PTPRK: variants seen among roughly 807,000 people sequenced by gnomAD.
The protein encoded by PTPRK is protein tyrosine phosphatase receptor type K.
A neutral mutation model predicts 178.0 loss-of-function variants in PTPRK; 75 were observed. The ratio of observed to expected loss-of-function variants is 0.42; its 90% confidence interval spans 0.35 to 0.51. PTPRK has a LOEUF of 0.51. Ranked by LOEUF, PTPRK falls within the 20% of genes least tolerant of loss-of-function variation. The pLI is 0.02. For synonymous variants in PTPRK, 637 were observed against 620.6 expected, an observed-to-expected ratio of 1.03 and a Z score of -0.39; for missense variants, 1,441 against 1,797.8, an observed-to-expected ratio of 0.80 and a Z score of 3.59.
chr6:128,380,390 T>G (rs973842923), intron 2 of PTPRK, among the ~76,000 whole-genome samples: 1 of 152,024 alleles, frequency 6.6e-6, no homozygotes, highest in Non-Finnish European at 1.5e-5. Context: ...TTGTTTCCCC[T>G]TATAAACGCA....
At chr6:128,415,086 C>T (rs1047250368) in intron 1 of PTPRK, among the ~76,000 whole-genome samples, 5 of 151,986 alleles carry the variant, frequency 3.3e-5, no homozygotes, top group Non-Finnish European at 2.9e-5. Flanking sequence ...AATGACATCG[C>T]GGAATGAAGA....
intron 7 of PTPRK, among the ~76,000 whole-genome samples, chr6:128,129,624 A>G (rs1464015811): frequency 6.6e-6 from 1 of 152,194 alleles, no homozygotes; most frequent in Non-Finnish European, 1.5e-5. Context: ...ACAGGAGTCA[A>G]GCAAAAGTGA....
intron 2 of PTPRK, among the ~76,000 whole-genome samples, chr6:128,347,834 G>A (rs1460686534): frequency 4.6e-5 from 7 of 151,948 alleles, no homozygotes; most frequent in Non-Finnish European, 5.9e-5. Context: ...ATAACACTCC[G>A]ATCTCTACGT....
intron 8 of PTPRK, among the ~76,000 whole-genome samples, 190 bp from the exon 9 acceptor site, chr6:128,084,014 A>C (rs983854434): frequency 6.6e-6 from 1 of 152,168 alleles, no homozygotes; most frequent in African/African-American, 2.4e-5. Flanking sequence ...ATTTAAAGCA[A>C]GTCTATAAGG....
At chr6:128,139,752 T>A (rs561506205) in intron 7 of PTPRK, among the ~76,000 whole-genome samples, 142 of 152,158 alleles carry the variant, frequency 9.3e-4, no homozygotes, top group Non-Finnish European at 1.9e-3. Flanking sequence ...TCTGAGTAAA[T>A]CACGCAGTAC....
intron 3 of PTPRK, among the ~76,000 whole-genome samples, chr6:128,298,304 G>A (rs1478758016): frequency 6.6e-6 from 1 of 151,996 alleles, no homozygotes; most frequent in East Asian, 1.9e-4. Context: ...AAAGGTACAA[G>A]GAGGAACTGG....
At chr6:128,002,070 G>C (rs1777893466) in intron 15 of PTPRK, among the ~76,000 whole-genome samples, 1 of 151,670 alleles carries the variant, frequency 6.6e-6, no homozygotes, top group African/African-American at 2.4e-5. Context: ...AGTGCAAGTA[G>C]AGATGAAGAA....
At chr6:128,083,114 T>A (rs1785111117) in intron 9 of PTPRK, among the ~76,000 whole-genome samples, 1 of 152,126 alleles carries the variant, frequency 6.6e-6, no homozygotes, top group Admixed American at 6.6e-5. Flanking sequence ...TAATTCACTC[T>A]GTAGCCATTA....
intron 7 of PTPRK, among the ~76,000 whole-genome samples, chr6:128,161,761 C>A (rs560927196): frequency 6.6e-6 from 1 of 151,638 alleles, no homozygotes; most frequent in South Asian, 2.1e-4. Flanking sequence ...CTCTTATATG[C>A]TTATATTTGT....
chr6:128,031,946 C>T (rs879677980), intron 13 of PTPRK, among the ~76,000 whole-genome samples: 6 of 152,246 alleles, frequency 3.9e-5, no homozygotes, highest in Admixed American at 6.5e-5. Flanking sequence ...CAGGGTCCTC[C>T]GGCTGTGATA....
chr6:127,998,987 A>C, intron 15 of PTPRK, 83 bp from the exon 16 acceptor site: 1 of 1,163,404 alleles, frequency 8.6e-7, no homozygotes, highest in Non-Finnish European at 1.2e-6. Context: ...TGAAGATTTT[A>C]AGACCTTAAG....
chr6:128,077,098 C>T (rs970701653), intron 11 of PTPRK, among the ~76,000 whole-genome samples: 8 of 152,008 alleles, frequency 5.3e-5, no homozygotes, highest in African/African-American at 1.7e-4. Context: ...AAATATCTAA[C>T]TCTTAAAAGA....
intron 1 of PTPRK, chr6:128,472,822 G>C (rs1850878909): frequency 5.5e-6 from 1 of 180,536 alleles, no homozygotes; most frequent in African/African-American, 2.4e-5. Flanking sequence ...ACCAAATCTA[G>C]TCTGCCACCT....
intron 2 of PTPRK, among the ~76,000 whole-genome samples, chr6:128,335,013 A>G (rs4267969): frequency 0.12 from 17,930 of 152,184 alleles, 1,608 homozygotes; most frequent in African/African-American, 0.24. Flanking sequence ...GTTTGAACCC[A>G]GGAGGCGAAG....
intron 3 of PTPRK, among the ~76,000 whole-genome samples, chr6:128,318,064 T>C (rs752031783): frequency 2.6e-5 from 4 of 152,164 alleles, no homozygotes; most frequent in Non-Finnish European, 4.4e-5. Context: ...AAAATCCTGC[T>C]GCTTGTCTTT....
chr6:128,192,882 GAGGGAGGA>G (rs1288466005), intron 6 of PTPRK, among the ~76,000 whole-genome samples: 18 of 146,688 alleles, frequency 1.2e-4, no homozygotes, highest in African/African-American at 1.8e-4. Context: ...GAGGGGAGGA[GAGGGAGGA>G]AGGGAGGAAG....
intron 2 of PTPRK, among the ~76,000 whole-genome samples, chr6:128,385,399 G>T (rs1838560543): frequency 6.6e-6 from 1 of 151,938 alleles, no homozygotes; most frequent in Non-Finnish European, 1.5e-5. Flanking sequence ...CCATTATAAG[G>T]CTTGCATGAA....
intron 13 of PTPRK, among the ~76,000 whole-genome samples, chr6:128,024,424 C>G (rs1026648940): frequency 6.6e-6 from 1 of 152,182 alleles, no homozygotes; most frequent in Non-Finnish European, 1.5e-5. Flanking sequence ...TAAAAAATTA[C>G]TGGTTCTCTA....
chr6:128,076,835 C>G (rs571481747), intron 11 of PTPRK, among the ~76,000 whole-genome samples: 1 of 152,120 alleles, frequency 6.6e-6, no homozygotes, highest in East Asian at 1.9e-4. Flanking sequence ...AAATGATTTA[C>G]AAGGCTGCAG....
Sources: gnomAD v4.1 joint callset for allele counts (sites outside exome capture counted in the v4.1 genomes callset) on GRCh38, gnomAD v4.1.1 for gene constraint, MANE v1.5 for transcripts, NCBI Gene and HGNC (gene_info 2026-07-23, HGNC 2026-07-21) for gene names.